Variants in ABCB9 observed in about 807,000 individuals in gnomAD.
ABCB9 encodes ABC-type oligopeptide transporter ABCB9.
Under a neutral mutation model 62.0 loss-of-function variants are expected in ABCB9, and 36 were observed. That is an observed-to-expected ratio of 0.58 (90% CI 0.45 to 0.77). ABCB9 has a LOEUF of 0.77. Ranked by LOEUF, ABCB9 falls within the 30% of genes least tolerant of loss-of-function variation. The probability of loss-of-function intolerance (pLI) is 0.00; values close to 1 mark genes in which losing one functional copy is unlikely to be tolerated. For missense variants in ABCB9, 943 were observed against 1,054.7 expected (o/e 0.89, Z 1.47); for synonymous variants, 435 against 461.4 (o/e 0.94, Z 0.73).
Position 122,944,633 on chromosome 12 carries a change from C to T in ABCB9, c.1252-114G>A. 1 of 1,457,476 alleles carries T rather than the reference C, an allele frequency of 6.9e-7. No individual in the cohort carries two copies. The highest frequency in any genetic ancestry group is 9.2e-7 in the Non-Finnish European group (1 of 1,085,624). The allele number at this position is 1,457,476 out of a possible 1,614,324, so 90.3% of individuals were successfully genotyped here. A position where few individuals can be genotyped will look rare whatever the true frequency, so the allele number is the denominator to read the frequency against. On this transcript the variant is annotated intron_variant, in intron 6 of 11. Coordinates refer to ENST00000280560, the MANE Select transcript of ABCB9 (RefSeq NM_019625.4). This position sits in a 1 kb window ranked among gnomAD's most constrained non-coding sequence, Gnocchi z 4.9. ...AGGTGAGGGCAGACCCAGCCACAAA[C>T]TGAAATGCCGGCCGTTGGCAGGGGT...
At position 122,959,492 on chromosome 12, in the gene ABCB9, T is replaced by C. The variant is rs960571542; in HGVS notation, c.601+143A>G. The C allele has an allele frequency of 4.4e-6, 6 of 1,356,454 alleles. No homozygotes were observed. In the African/African-American group the frequency reaches 8.7e-5, roughly 20 times the overall value. 84.0% of individuals were successfully genotyped at this position (1,356,454 alleles called of 1,614,324 possible). On this transcript the variant is annotated intron_variant, in intron 2 of 11. Coordinates refer to ENST00000280560, the MANE Select transcript of ABCB9 (RefSeq NM_019625.4). The surrounding 1 kb of genome is among the most constrained non-coding windows in gnomAD (Gnocchi z 5.4). Reference sequence around the variant, plus strand: ...TCCCAAAGTGCTGGGATTATAGATATGAGCCACTATGCCTGGCCTCTTTTC... The same window carrying C: ...TCCCAAAGTGCTGGGATTATAGATACGAGCCACTATGCCTGGCCTCTTTTC...
chr12:122,930,283 A>G lies in ABCB9; in HGVS notation c.2041-112T>C. On this transcript the variant is annotated intron_variant, in intron 11 of 11. Transcript: ENST00000280560. The surrounding 1 kb of genome is among the most constrained non-coding windows in gnomAD (Gnocchi z 4.9). ...TAACCTCTCTGAGGCTCAGTTCACA[A>G]ACGATGGCCAGCTTCCTGGGTTTTT... 1 of 1,097,792 alleles carries G rather than the reference A, an allele frequency of 9.1e-7. No homozygotes were observed. Among genetic ancestry groups the G allele is most frequent in the Non-Finnish European group, 1.3e-6 (1 of 789,238 alleles). The allele number at this position is 1,097,792 out of a possible 1,614,324, so 68.0% of individuals were successfully genotyped here. A position where few individuals can be genotyped will look rare whatever the true frequency, so the allele number is the denominator to read the frequency against.
downstream of ABCB9, among the ~76,000 whole-genome samples, chr12:122,918,923 C>T (rs2034683885): frequency 6.6e-6 from 1 of 152,174 alleles, no homozygotes; most frequent in African/African-American, 2.4e-5. Flanking sequence ...GCCCTGGTAA[C>T]CTCTAATCTG....
rs553552929 is a variant in ABCB9, at chr12:122,921,226, G to A, written c.2041-183C>T. On this transcript the variant is annotated intron_variant, in intron 11 of 11. Coordinates refer to the ABCB9 transcript ENST00000344275. ...AACTAGGAATGTAAGACCAGCCTAG[G>A]CAACATAACCACAACTCTGTCTCTA... Among the ~76,000 whole-genome samples the A allele has an allele frequency of 1.7e-4, 26 of 151,520 alleles. No homozygotes were observed. The South Asian group carries it at 2.7e-3, about 16-fold the overall frequency.
At chr12:122,920,879 C>T, downstream of ABCB9, 5 of 758,132 alleles carry the variant, frequency 6.6e-6, 1 homozygote, top group South Asian at 6.8e-5. Context: ...TACCACTGCA[C>T]TCCAGCCTGG....
At position 122,932,155 on chromosome 12, in the gene ABCB9, C is replaced by T. The variant is rs2135761486; in HGVS notation, c.2040+37G>A. The T allele has an allele frequency of 1.3e-6, 2 of 1,550,768 alleles. No individual in the cohort carries two copies. The highest frequency in any genetic ancestry group is 1.7e-6 in the Non-Finnish European group (2 of 1,147,194). Reference sequence around the variant, plus strand: ...TGGGGGCTCTGGCCACCTGGAGCCGCTCCTGCCCCCGCATTGCCCACCACC... The same window carrying T: ...TGGGGGCTCTGGCCACCTGGAGCCGTTCCTGCCCCCGCATTGCCCACCACC... On this transcript the variant is annotated intron_variant, in intron 11 of 11. Coordinates refer to ENST00000280560, the MANE Select transcript of ABCB9 (RefSeq NM_019625.4). This position sits in a 1 kb window ranked among gnomAD's most constrained non-coding sequence, Gnocchi z 4.7.
chr12:122,958,840 T>TA (rs1322741472), intron 2 of ABCB9, among the ~76,000 whole-genome samples: 1 of 151,710 alleles, frequency 6.6e-6, no homozygotes, highest in Non-Finnish European at 1.5e-5. Flanking sequence ...AGACCCTGTC[T>TA]AAAAAAAGAA....
At chr12:122,962,963 T>G (rs2036982482) in intron 1 of ABCB9, among the ~76,000 whole-genome samples, 1 of 152,148 alleles carries the variant, frequency 6.6e-6, no homozygotes, top group Non-Finnish European at 1.5e-5. Flanking sequence ...GAATCTGTGT[T>G]CTTCACCCCT....
intron 2 of ABCB9, among the ~76,000 whole-genome samples, chr12:122,955,123 G>A (rs1298807906): frequency 4.6e-5 from 7 of 152,152 alleles, no homozygotes; most frequent in Non-Finnish European, 8.8e-5. Context: ...ATTTACTTGT[G>A]CTAGGCACCA....
rs1449659790 is a variant in ABCB9, at chr12:122,932,649, T to C, written c.1904-321A>G. Among the ~76,000 whole-genome samples, 1 of 152,174 alleles carries C rather than the reference T, an allele frequency of 6.6e-6. No homozygotes were observed. The highest frequency in any genetic ancestry group is 1.5e-5 in the Non-Finnish European group (1 of 68,032). On this transcript the variant is annotated intron_variant, in intron 10 of 11. Coordinates refer to ENST00000280560, the MANE Select transcript of ABCB9 (RefSeq NM_019625.4). This position sits in a 1 kb window ranked among gnomAD's most constrained non-coding sequence, Gnocchi z 4.7. ...AGAAGGGGAGTTGGAGCGAGCCCCA[T>C]GGCTTGAAGAGCTGCAGCAATAACC...
downstream of ABCB9, among the ~76,000 whole-genome samples, chr12:122,926,093 T>C (rs1182750919): frequency 6.6e-6 from 1 of 151,976 alleles, no homozygotes; most frequent in Non-Finnish European, 1.5e-5. Context: ...GGAGGAAGAA[T>C]TGGGGAGTGA....
At chr12:122,965,246 C>T (rs1233469368) in intron 1 of ABCB9, among the ~76,000 whole-genome samples, 6 of 152,146 alleles carry the variant, frequency 3.9e-5, no homozygotes, top group Non-Finnish European at 8.8e-5. Flanking sequence ...TCGGGGGTCC[C>T]CTGTCCAGGC....
chr12:122,939,099 G>A (rs555486069), intron 9 of ABCB9, among the ~76,000 whole-genome samples: 22 of 152,230 alleles, frequency 1.4e-4, no homozygotes, highest in Non-Finnish European at 3.1e-4. Flanking sequence ...TTGAACCCGG[G>A]AGGCGGAGGC....
upstream of ABCB9, among the ~76,000 whole-genome samples, chr12:122,968,928 G>T (rs1205140178): frequency 6.6e-6 from 1 of 152,066 alleles, no homozygotes; most frequent in African/African-American, 2.4e-5. Flanking sequence ...CTGTACCTTT[G>T]CATAGCTTGT....
downstream of ABCB9, among the ~76,000 whole-genome samples, chr12:122,926,891 AC>A (rs2034922483): frequency 6.6e-6 from 1 of 152,174 alleles, no homozygotes; most frequent in South Asian, 2.1e-4. Flanking sequence ...TAGAGCAAGA[AC>A]CTGTCTCTAA....
At chr12:122,918,713 C>A (rs2034681370), downstream of ABCB9, among the ~76,000 whole-genome samples, 2 of 152,098 alleles carry the variant, frequency 1.3e-5, no homozygotes, top group African/African-American at 4.8e-5. Flanking sequence ...CCACTTCGGC[C>A]TCCTAAAGTG....
At chr12:122,941,646 T>C (rs2035767237) in intron 7 of ABCB9, among the ~76,000 whole-genome samples, 1 of 152,082 alleles carries the variant, frequency 6.6e-6, no homozygotes, top group Non-Finnish European at 1.5e-5. Context: ...ATGTGTACTA[T>C]AAATAAATAT....
At position 122,930,136 on chromosome 12, in the gene ABCB9, G is replaced by A; in HGVS notation, c.2076C>T (p.His692=). 1 of 1,553,058 alleles carries A rather than the reference G, an allele frequency of 6.4e-7. No individual in the cohort carries two copies. Among genetic ancestry groups the A allele is most frequent in the Non-Finnish European group, 8.7e-7 (1 of 1,147,854 alleles). ...GCCGGTGCGCGATGATGAGTACCGT[G>A]TGCTTCTGCAGGTTGCCATGGATGG... ...QQAIHGNLQK[H]TVLIIAHRLS... is the part of the protein sequence containing the mutation. Residue 692 remains histidine, a synonymous_variant, in exon 12 of 12, where the codon CAC becomes CAT. Coordinates refer to ENST00000280560, the MANE Select transcript of ABCB9 (RefSeq NM_019625.4). The surrounding 1 kb of genome is among the most constrained non-coding windows in gnomAD (Gnocchi z 4.9).
At chr12:122,925,278 G>T (rs1335102591), downstream of ABCB9, among the ~76,000 whole-genome samples, 1 of 152,132 alleles carries the variant, frequency 6.6e-6, no homozygotes, top group Non-Finnish European at 1.5e-5. Flanking sequence ...TGTTGGTGAG[G>T]ATGTGGGGAA....
Sources: gnomAD v4.1 joint callset for allele counts (sites outside exome capture counted in the v4.1 genomes callset) on GRCh38, gnomAD v4.1.1 for gene constraint, Gnocchi (gnomAD v3.1) non-coding constraint, MANE v1.5 for transcripts, NCBI Gene and HGNC (gene_info 2026-07-23, HGNC 2026-07-21) for gene names.